The following LINGO1 variants were observed in gnomAD, a reference collection of about 807,000 sequenced individuals.
LINGO1 encodes leucine rich repeat and Ig domain containing 1, also known as leucine-rich repeat and immunoglobulin-like domain-containing nogo receptor-interacting protein 1.
LINGO1 carries 11 observed loss-of-function variants against 37.3 expected under a neutral mutation model. The observed-to-expected ratio is 0.29, with a 90% CI of 0.19 to 0.49. The LOEUF is 0.49. Ranked by LOEUF, LINGO1 falls within the 20% of genes least tolerant of loss-of-function variation. The probability of loss-of-function intolerance (pLI) is 0.99; values close to 1 mark genes in which losing one functional copy is unlikely to be tolerated. For missense variants in LINGO1, 585 were observed against 878.2 expected, an observed-to-expected ratio of 0.67 and a Z score of 4.22; for synonymous variants, 387 against 403.0, an observed-to-expected ratio of 0.96 and a Z score of 0.48.
chr15:77,729,767 G>A (rs1255315068), intron 2 of LINGO1, among the ~76,000 whole-genome samples: 1 of 152,212 alleles, frequency 6.6e-6, no homozygotes, highest in Admixed American at 6.5e-5. Flanking sequence ...ATAACTGATA[G>A]TTCCCTTTTC....
chr15:77,644,968 T>C (rs2074592688), intron 3 of LINGO1, among the ~76,000 whole-genome samples: 1 of 152,170 alleles, frequency 6.6e-6, no homozygotes. Context: ...CCCCACACTC[T>C]TAAATCAAAA....
upstream of LINGO1, among the ~76,000 whole-genome samples, chr15:77,789,697 A>G (rs1177946883): frequency 6.6e-6 from 1 of 152,216 alleles, no homozygotes; most frequent in Non-Finnish European, 1.5e-5. Flanking sequence ...GTAGCCATCT[A>G]CAAGCCAAGG....
chr15:77,627,134 C>T (rs2074119162), intron 1 of LINGO1, among the ~76,000 whole-genome samples: 1 of 152,068 alleles, frequency 6.6e-6, no homozygotes, highest in Non-Finnish European at 1.5e-5. Flanking sequence ...CACCACACAC[C>T]CTAATAACAT....
chr15:77,776,529 G>GCAGGAAGGCAGGAAGGCAGGAAGGGAGT (rs1437419941), intron 1 of LINGO1, among the ~76,000 whole-genome samples: 1 of 142,202 alleles, frequency 7.0e-6, no homozygotes, highest in Non-Finnish European at 1.5e-5. Context: ...AGGGAGGAAG[G>GCAGGAAGGCAGGAAGGCAGGAAGGGAGT]GAGGGAGGGA....
At chr15:77,652,457 AC>A (rs2074778047) in intron 3 of LINGO1, among the ~76,000 whole-genome samples, 1 of 143,618 alleles carries the variant, frequency 7.0e-6, no homozygotes, top group African/African-American at 2.6e-5. Flanking sequence ...AACATCTCTT[AC>A]CTACAGCTGC....
At chr15:77,801,555 T>C (rs1844108573) in intron 1 of LINGO1, among the ~76,000 whole-genome samples, 1 of 151,632 alleles carries the variant, frequency 6.6e-6, no homozygotes, top group African/African-American at 2.4e-5. Flanking sequence ...GGGTCTTCTG[T>C]TGTAATCAGA....
At chr15:77,621,748 C>T (rs2073928952) in intron 1 of LINGO1, among the ~76,000 whole-genome samples, 1 of 152,214 alleles carries the variant, frequency 6.6e-6, no homozygotes. Context: ...GTTTTTCCAC[C>T]ACACTCCTTT....
intron 3 of LINGO1, chr15:77,651,877 C>T (rs918929327): frequency 6.6e-6 from 1 of 152,180 alleles, no homozygotes; most frequent in African/African-American, 2.4e-5. Context: ...CTCTTAAGGT[C>T]TGAGGTCTTT....
intron 1 of LINGO1, among the ~76,000 whole-genome samples, chr15:77,626,134 T>G (rs1177794671): frequency 2.6e-5 from 4 of 152,032 alleles, no homozygotes; most frequent in Non-Finnish European, 5.9e-5. Context: ...ATCAGGGACT[T>G]GTTCAAGGTC....
chr15:77,704,644 G>A lies in LINGO1; in HGVS notation c.-194-13743C>T, dbSNP rs115588700. Among the ~76,000 whole-genome samples, 684 of 151,612 alleles carry A rather than the reference G, an allele frequency of 4.5e-3. 10 individuals are homozygous for A. The highest frequency in any genetic ancestry group is 0.016 in the African/African-American group (665 of 41,212). ...TGAGCTCTGACCCTGGCCACACACT[G>A]GGCCCTGACCCTGGTCAGACACTGA... is the stretch of plus-strand genomic sequence containing the variant. On this transcript the variant is annotated intron_variant, in intron 2 of 3. Coordinates refer to the LINGO1 transcript ENST00000561686.
Position 77,685,037 on chromosome 15 carries a change from G to C in LINGO1, c.-99+5683C>G, listed in dbSNP as rs191480507. 1.3e-3 allele frequency among the ~76,000 whole-genome samples: 191 copies of C among 151,100 alleles called. 1 individual carries two copies. The highest frequency in any genetic ancestry group is 1.3e-3 in the Non-Finnish European group (89 of 67,690). ...TGGGGGGTGTGGACAGATAGAGTTGGGGGAGGGAAGCTCCAGGGGCCAGAG... is the reference window on the plus strand; with the variant it reads ...TGGGGGGTGTGGACAGATAGAGTTGCGGGAGGGAAGCTCCAGGGGCCAGAG... On this transcript the variant is annotated intron_variant, in intron 2 of 3. Transcript: ENST00000559893.
chr15:77,641,096 G>A (rs551715800), intron 3 of LINGO1, among the ~76,000 whole-genome samples: 1 of 152,350 alleles, frequency 6.6e-6, no homozygotes, highest in African/African-American at 2.4e-5. Context: ...AGGCAGAACA[G>A]CAGGTGCAAA....
At chr15:77,759,544 G>A (rs942225300) in intron 1 of LINGO1, among the ~76,000 whole-genome samples, 4 of 152,236 alleles carry the variant, frequency 2.6e-5, no homozygotes, top group Non-Finnish European at 4.4e-5. Flanking sequence ...GTATATCGAA[G>A]CACCAGGACC....
chr15:77,638,592 C>T (rs1360194389), upstream of LINGO1, among the ~76,000 whole-genome samples: 1 of 152,140 alleles, frequency 6.6e-6, no homozygotes, highest in South Asian at 2.1e-4. Flanking sequence ...TAAGCGCTTG[C>T]CTTAAGTTCT....
chr15:77,817,802 C>T (rs1805177038), intron 1 of LINGO1, among the ~76,000 whole-genome samples: 2 of 152,194 alleles, frequency 1.3e-5, no homozygotes, highest in South Asian at 2.1e-4. Context: ...TAGAAAACTA[C>T]CTCCATCTCT....
chr15:77,744,880 C>T (rs994781035), intron 1 of LINGO1, among the ~76,000 whole-genome samples: 1 of 151,792 alleles, frequency 6.6e-6, no homozygotes, highest in South Asian at 2.1e-4. Flanking sequence ...CTTTGGGAGG[C>T]CAAAGCAGGG....
At chr15:77,641,629 A>C in intron 3 of LINGO1, 2 of 351,402 alleles carry the variant, frequency 5.7e-6, no homozygotes, top group South Asian at 4.3e-5. Flanking sequence ...CAATTACAGA[A>C]GGAGACAGAT....
intron 1 of LINGO1, among the ~76,000 whole-genome samples, chr15:77,752,435 G>T (rs2076381016): frequency 6.6e-6 from 1 of 152,206 alleles, no homozygotes; most frequent in South Asian, 2.1e-4. Context: ...CAGGCAGCTG[G>T]CAAAAGCAAC....
chr15:77,811,401 G>C (rs2077004862), intron 1 of LINGO1, among the ~76,000 whole-genome samples: 1 of 152,192 alleles, frequency 6.6e-6, no homozygotes, highest in Admixed American at 6.5e-5. Flanking sequence ...CCTGTTCAGA[G>C]GGGTCCAGCT....
Sources: allele counts gnomAD v4.1 joint callset (sites outside exome capture counted in the v4.1 genomes callset), GRCh38; gene constraint gnomAD v4.1.1; transcripts MANE v1.5; gene names NCBI Gene and HGNC (gene_info 2026-07-23, HGNC 2026-07-21).